The following UBR1 variants were observed in gnomAD, a reference collection of about 807,000 sequenced individuals.
UBR1 encodes ubiquitin protein ligase E3 component n-recognin 1, also known as E3 ubiquitin-protein ligase UBR1.
A neutral mutation model predicts 242.1 loss-of-function variants in UBR1; 102 were observed. The ratio of observed to expected loss-of-function variants is 0.42; its 90% confidence interval spans 0.36 to 0.50. The LOEUF is 0.50. Among genes scored for constraint, UBR1 ranks in the 20% least tolerant of loss-of-function variants. The probability of loss-of-function intolerance (pLI) is 0.01; values close to 1 mark genes in which losing one functional copy is unlikely to be tolerated. For missense variants in UBR1, 1,772 were observed against 2,101.8 expected (o/e 0.84, Z 3.07); for synonymous variants, 675 against 684.8 (o/e 0.99, Z 0.22).
rs1332827543 is a variant in UBR1, at chr15:43,015,332, TA to T, written c.3209+355del. Among the ~76,000 whole-genome samples the T allele has an allele frequency of 3.9e-5, 6 of 152,156 alleles. No individual in the cohort carries two copies. The East Asian group carries it at 1.2e-3, about 29-fold the overall frequency. ...CTTCTGCCTTGGGATCCTGTTGATC[TA>T]TGACCTTACCCCCAACCCTGTGCTC... On this transcript the variant is annotated intron_variant, in intron 29 of 46. Coordinates refer to ENST00000290650, the MANE Select transcript of UBR1 (RefSeq NM_174916.3).
chr15:43,003,051 A>G (rs965540067), intron 31 of UBR1, among the ~76,000 whole-genome samples: 2 of 152,222 alleles, frequency 1.3e-5, no homozygotes, highest in African/African-American at 2.4e-5. Context: ...GAAAAATTAT[A>G]TATTGTAATC....
chr15:43,062,942 C>T (rs2033706390), intron 6 of UBR1, among the ~76,000 whole-genome samples: 1 of 152,006 alleles, frequency 6.6e-6, no homozygotes, highest in African/African-American at 2.4e-5. Flanking sequence ...TAATAGGTTA[C>T]CTTTATCCTC....
chr15:43,008,679 G>A (rs1002322692), intron 29 of UBR1, among the ~76,000 whole-genome samples: 3 of 152,206 alleles, frequency 2.0e-5, no homozygotes, highest in Non-Finnish European at 2.9e-5. Context: ...CCTGGGGTGA[G>A]AATTTATGGT....
At chr15:42,975,458 C>T (rs181336228) in intron 39 of UBR1, among the ~76,000 whole-genome samples, 2 of 152,048 alleles carry the variant, frequency 1.3e-5, no homozygotes, top group East Asian at 3.9e-4. Context: ...TTTTGATATC[C>T]CAAGTAATAT....
intron 44 of UBR1, among the ~76,000 whole-genome samples, chr15:42,953,206 G>A (rs923676951): frequency 8.5e-5 from 13 of 152,298 alleles, no homozygotes; most frequent in East Asian, 3.9e-4. Context: ...GTATGCTGGA[G>A]GCGTGCTATA....
intron 5 of UBR1, 91 bp from the exon 6 acceptor site, chr15:43,068,127 A>C: frequency 9.6e-6 from 8 of 830,716 alleles, no homozygotes; most frequent in East Asian, 7.0e-5. Context: ...AATACATAAC[A>C]TCTGTGTAGT....
chr15:43,092,199 C>T (rs2034113413), intron 1 of UBR1: 1 of 295,578 alleles, frequency 3.4e-6, no homozygotes. Context: ...CACCCCCACA[C>T]CAACTTATTT....
Position 43,103,224 on chromosome 15 carries a change from G to A in UBR1, c.81+2718C>T, listed in dbSNP as rs546412565. Among the ~76,000 whole-genome samples, 16 of 152,142 alleles carry A rather than the reference G, an allele frequency of 1.1e-4. No homozygotes were observed. In the South Asian group the frequency reaches 2.7e-3, roughly 26 times the overall value. ...TACAAAATATGCAAAAAATTAACTCGGCATGGTGGCACATGCCTATATTCC... is the reference window on the plus strand; with the variant it reads ...TACAAAATATGCAAAAAATTAACTCAGCATGGTGGCACATGCCTATATTCC... On this transcript the variant is annotated intron_variant, in intron 1 of 46. Coordinates refer to ENST00000290650, the MANE Select transcript of UBR1 (RefSeq NM_174916.3).
At chr15:42,951,702 T>C (rs544035726) in intron 45 of UBR1, among the ~76,000 whole-genome samples, 2 of 152,276 alleles carry the variant, frequency 1.3e-5, no homozygotes, top group African/African-American at 4.8e-5. Flanking sequence ...GATCATGGCC[T>C]TGAACTCCCA....
rs1416925134 is a variant in UBR1 at position 42,962,103 on chromosome 15, C to T, written c.4701-1402G>A. Among the ~76,000 whole-genome samples, 4 of 137,318 alleles carry T rather than the reference C, an allele frequency of 2.9e-5. No homozygotes were observed. In the Admixed American group the frequency reaches 3.2e-4, roughly 11 times the overall value. The allele number at this position is 137,318 out of a possible 152,430, so 90.1% of individuals were successfully genotyped here. A position where few individuals can be genotyped will look rare whatever the true frequency, so the allele number is the denominator to read the frequency against. ...GCCCCTTTTCTTCTCCCTTTCTTTC[C>T]TCTCTTTCTTTGTTGTGTCTAATTA... is the stretch of plus-strand genomic sequence containing the variant. On this transcript the variant is annotated intron_variant, in intron 42 of 46. Transcript: ENST00000290650.
intron 1 of UBR1, among the ~76,000 whole-genome samples, chr15:43,097,097 C>T (rs1333798369): frequency 6.6e-6 from 1 of 152,126 alleles, no homozygotes; most frequent in Admixed American, 6.6e-5. Flanking sequence ...GTTGCAATTA[C>T]TCCTTGATCC....
At chr15:43,058,305 T>C in intron 10 of UBR1, 36 bp downstream of exon 10, 2 of 1,315,952 alleles carry the variant, frequency 1.5e-6, no homozygotes, top group Non-Finnish European at 2.2e-6. Context: ...AAACTGCCTA[T>C]TTCTATTTAT....
At chr15:43,008,279 C>T (rs1205500085) in intron 29 of UBR1, among the ~76,000 whole-genome samples, 1 of 152,286 alleles carries the variant, frequency 6.6e-6, no homozygotes, top group African/African-American at 2.4e-5. Flanking sequence ...ACAGCTGCAA[C>T]TGCCCAGCTC....
intron 26 of UBR1, among the ~76,000 whole-genome samples, chr15:43,021,734 T>G (rs933011021): frequency 6.6e-6 from 1 of 152,200 alleles, no homozygotes; most frequent in Non-Finnish European, 1.5e-5. Context: ...AATCCCTAGA[T>G]ATGGAACCCA....
chr15:43,029,941 T>TA lies in UBR1; in HGVS notation c.2379+2dup. The TA allele has an allele frequency of 6.2e-7, 1 of 1,614,028 alleles. No homozygotes were observed. The highest frequency in any genetic ancestry group is 8.5e-7 in the Non-Finnish European group (1 of 1,179,974). ...ATAGAGATAAAACCAAAATCAGACT[T>TA]ACATTCTCAGGTAAATTTTTGGCAA... On this transcript the variant is annotated splice_region_variant and intron_variant, in intron 21 of 46. Coordinates refer to ENST00000290650, the MANE Select transcript of UBR1 (RefSeq NM_174916.3).
chr15:43,078,610 A>T (rs1442511226), intron 3 of UBR1, among the ~76,000 whole-genome samples: 1 of 152,214 alleles, frequency 6.6e-6, no homozygotes, highest in South Asian at 2.1e-4. Context: ...AAACTCAATT[A>T]CATGGAGTCA....
chr15:42,967,508 A>G lies in UBR1; in HGVS notation c.4458-1222T>C, dbSNP rs551337481. On this transcript the variant is annotated intron_variant, in intron 40 of 46. Transcript: ENST00000290650. ...ACCAAAGCAACTTGTTAGCTAAAACAAAATTAATAATTTCCTGGTTTCTAT... is the reference window on the plus strand; with the variant it reads ...ACCAAAGCAACTTGTTAGCTAAAACGAAATTAATAATTTCCTGGTTTCTAT... Among the ~76,000 whole-genome samples, 68 of 152,110 alleles carry G rather than the reference A, an allele frequency of 4.5e-4. 1 individual carries two copies. The highest frequency in any genetic ancestry group is 1.5e-3 in the African/African-American group (61 of 41,550).
At chr15:43,105,875 C>A in intron 1 of UBR1, 67 bp downstream of exon 1, 1 of 1,489,712 alleles carries the variant, frequency 6.7e-7, no homozygotes, top group Non-Finnish European at 9.4e-7. Context: ...TGAAGCCCCA[C>A]ATCCTCCTAA....
Position 43,043,206 on chromosome 15 carries a change from A to C in UBR1, c.1849+9T>G. 3 of 1,614,042 alleles carry C rather than the reference A, an allele frequency of 1.9e-6. No homozygotes were observed. The highest frequency in any genetic ancestry group is 2.5e-6 in the Non-Finnish European group (3 of 1,179,962). On this transcript the variant is annotated intron_variant, in intron 15 of 46. Transcript: ENST00000290650. ...TAGGTATATGCAAAAAGAAAAAACA[A>C]ACACTCACCAGCAAGGGTCCTAGAG... is the stretch of plus-strand genomic sequence containing the variant.
Sources: gnomAD v4.1 joint callset for allele counts (sites outside exome capture counted in the v4.1 genomes callset) on GRCh38, gnomAD v4.1.1 for gene constraint, MANE v1.5 for transcripts, NCBI Gene and HGNC (gene_info 2026-07-23, HGNC 2026-07-21) for gene names.